Variants in UBR4 observed in about 807,000 individuals in gnomAD.
The protein encoded by UBR4 is ubiquitin protein ligase E3 component n-recognin 4, also known as E3 ubiquitin-protein ligase UBR4.
In UBR4, 124 loss-of-function variants were observed where a neutral mutation model predicts 575.6. The ratio of observed to expected loss-of-function variants is 0.22; its 90% CI spans 0.19 to 0.25. The LOEUF (loss-of-function observed/expected upper bound fraction) is 0.25. UBR4 is among the 10% of genes least tolerant of loss of function. The probability of loss-of-function intolerance (pLI) is 1.00; values close to 1 mark genes in which losing one functional copy is unlikely to be tolerated. For missense variants in UBR4, 4,818 were observed against 6,478.8 expected, an observed-to-expected ratio of 0.74 and a Z score of 8.80; for synonymous variants, 2,455 against 2,473.7, an observed-to-expected ratio of 0.99 and a Z score of 0.22.
At chr1:19,115,989 G>A (rs1027598202) in intron 73 of UBR4, among the ~76,000 whole-genome samples, 5 of 152,174 alleles carry the variant, frequency 3.3e-5, no homozygotes, top group Admixed American at 6.5e-5. Flanking sequence ...TTCCCATCCT[G>A]ACAGCAACCT....
rs2092421469 is a variant in UBR4, at chr1:19,195,957, C to A, written c.1018+1184G>T. Among the ~76,000 whole-genome samples the A allele has an allele frequency of 2.8e-5, 4 of 145,108 alleles. No homozygotes were observed. In the South Asian group the frequency reaches 8.8e-4, roughly 32 times the overall value. On this transcript the variant is annotated intron_variant, in intron 8 of 105. Coordinates refer to ENST00000375254, the MANE Select transcript of UBR4 (RefSeq NM_020765.3). ...CACCCACGAACAGCCATAAAACCTA[C>A]AGACTTACTTATACACACACACACA...
intron 84 of UBR4, 124 bp downstream of exon 84, chr1:19,105,609 T>TAACA: frequency 1.4e-6 from 1 of 732,636 alleles, no homozygotes; most frequent in Non-Finnish European, 2.1e-6. Flanking sequence ...AACACTTTGT[T>TAACA]GTTTCTGGGG....
At chr1:19,168,327 G>T in intron 27 of UBR4, 143 bp from the exon 28 acceptor site, 1 of 720,032 alleles carries the variant, frequency 1.4e-6, no homozygotes. Flanking sequence ...TGTTATTCAT[G>T]CTGGGAAGGG....
At chr1:19,136,368 A>G (rs2083200675) in intron 60 of UBR4, among the ~76,000 whole-genome samples, 1 of 152,236 alleles carries the variant, frequency 6.6e-6, no homozygotes, top group African/African-American at 2.4e-5. Flanking sequence ...ACAAAGGAGT[A>G]AAGTCTTCTA....
At position 19,123,016 on chromosome 1, in the gene UBR4, G is replaced by A. The variant is rs2081338402; in HGVS notation, c.9633C>T (p.Arg3211=). The A allele has an allele frequency of 6.2e-7, 1 of 1,614,108 alleles. No homozygotes were observed. Among genetic ancestry groups the A allele is most frequent in the African/African-American group, 1.3e-5 (1 of 74,942 alleles). Residue 3211 remains arginine, a synonymous_variant, in exon 66 of 106, where the codon CGC becomes CGT. Transcript: ENST00000375254. Reference sequence around the variant, plus strand: ...ATCCACAGATGAAGAGCAGAAGTTTGCGGACTTGACGGCGCACAAATGGAG... The same window carrying A: ...ATCCACAGATGAAGAGCAGAAGTTTACGGACTTGACGGCGCACAAATGGAG... ...QQTPFVRRQV[R]KLLLFICGSK...
Position 19,146,850 on chromosome 1 carries a change from A to G in UBR4, c.7780T>C (p.Ser2594Pro). 2 of 1,613,594 alleles carry G rather than the reference A, an allele frequency of 1.2e-6. No individual in the cohort carries two copies. Among genetic ancestry groups the G allele is most frequent in the Non-Finnish European group, 1.7e-6 (2 of 1,179,738 alleles). The stretch of plus-strand genomic sequence containing the variant: ...CCTGTTTCCATCTGGGGCAGCTTTG[A>G]CTCCGTAAAGTGGACAAGGTTGTTG... Reference protein sequence around the residue: ...RPNNLVHFTESKLPQMETEGM... With the variant: ...RPNNLVHFTEPKLPQMETEGM... Residue 2594 changes from serine (S) to proline (P), a missense_variant, in exon 52 of 106, where the codon TCA becomes CCA. By Grantham distance (74) the Ser-to-Pro change is moderately conservative. Transcript: ENST00000375254.
intron 13 of UBR4, 67 bp downstream of exon 13, chr1:19,187,097 C>CATAT: frequency 2.8e-6 from 2 of 713,600 alleles, no homozygotes; most frequent in Non-Finnish European, 3.8e-6. Flanking sequence ...TATATATATA[C>CATAT]ATATATATAT....
At chr1:19,159,641 C>T (rs371609517) in intron 39 of UBR4, among the ~76,000 whole-genome samples, 17 of 149,910 alleles carry the variant, frequency 1.1e-4, no homozygotes, top group Middle Eastern at 3.5e-3. Context: ...CTCACTCCGT[C>T]GCCCAGGCTG....
intron 81 of UBR4, among the ~76,000 whole-genome samples, chr1:19,109,568 T>C (rs1397448889): frequency 6.6e-6 from 1 of 152,258 alleles, no homozygotes; most frequent in Admixed American, 6.5e-5. Flanking sequence ...AGGATTAACT[T>C]AGGCAGACAC....
intron 26 of UBR4, 73 bp from the exon 27 acceptor site, chr1:19,169,605 C>A: frequency 1.5e-6 from 2 of 1,292,168 alleles, no homozygotes; most frequent in Admixed American, 2.2e-5. Flanking sequence ...AAAAGCCAAG[C>A]CCAAATGCAG....
intron 11 of UBR4, among the ~76,000 whole-genome samples, chr1:19,189,813 C>G (rs935014305): frequency 8.5e-5 from 13 of 152,158 alleles, no homozygotes; most frequent in African/African-American, 1.4e-4. Context: ...AATGGCCACT[C>G]ATAAAATCAC....
chr1:19,163,721 A>C, intron 34 of UBR4, 43 bp downstream of exon 34: 1 of 1,601,602 alleles, frequency 6.2e-7, no homozygotes, highest in Admixed American at 1.7e-5. Flanking sequence ...GGTGAGAATC[A>C]CCTTTCCCTT....
At chr1:19,120,421 C>G in intron 68 of UBR4, 73 bp from the exon 69 acceptor site, 1 of 1,522,166 alleles carries the variant, frequency 6.6e-7, no homozygotes, top group Non-Finnish European at 8.9e-7. Context: ...CCTGGGCTAC[C>G]AAATGGTGAG....
intron 70 of UBR4, 23 bp from the exon 71 acceptor site, chr1:19,118,980 A>G: frequency 6.2e-7 from 1 of 1,611,264 alleles, no homozygotes; most frequent in East Asian, 2.2e-5. Flanking sequence ...TCAGTAAAGA[A>G]ACAACTTAAA....
chr1:19,180,368 T>C (rs1571533963), intron 17 of UBR4, among the ~76,000 whole-genome samples: 2 of 152,016 alleles, frequency 1.3e-5, no homozygotes, highest in Non-Finnish European at 2.9e-5. Flanking sequence ...TTTTTATTTT[T>C]AGTAGAGACG....
At chr1:19,143,283 A>G (rs137998426) in intron 55 of UBR4, among the ~76,000 whole-genome samples, 2 of 87,270 alleles carry the variant, frequency 2.3e-5, no homozygotes, top group Admixed American at 1.1e-4. Context: ...AGAAAGAAAG[A>G]AAGAAAGAAA....
Position 19,113,800 on chromosome 1 carries a change from T to A in UBR4, c.11356A>T (p.Ser3786Cys). The A allele has an allele frequency of 1.9e-6, 3 of 1,614,238 alleles. No individual in the cohort carries two copies. Among genetic ancestry groups the A allele is most frequent in the Non-Finnish European group, 2.5e-6 (3 of 1,180,034 alleles). ...QDDSGTAGGI[S>C]STSASVNRYI... ...CGATTCACACTGGCAGAAGTGGAGC[T>A]GATGCCCCCTGCTGTTCCTGAGTCA... is the stretch of plus-strand genomic sequence containing the variant. The change falls in exon 77 of 106, where the codon AGC becomes TGC. Residue 3786 changes from serine (S) to cysteine (C), a missense_variant. Ser to Cys is a moderately radical substitution (Grantham distance 112, BLOSUM62 -1). This residue lies in a region of UBR4 where 333 missense variants were observed against 459.2 expected (regional missense o/e 0.73). Transcript: ENST00000375254.
At position 19,201,701 on chromosome 1, in the gene UBR4, A is replaced by G; in HGVS notation, c.274+17T>C. 1 of 1,603,684 alleles carries G rather than the reference A, an allele frequency of 6.2e-7. No homozygotes were observed. Among genetic ancestry groups the G allele is most frequent in the Non-Finnish European group, 8.5e-7 (1 of 1,171,106 alleles). On this transcript the variant is annotated intron_variant, in intron 2 of 105. Coordinates refer to ENST00000375254, the MANE Select transcript of UBR4 (RefSeq NM_020765.3). ...TCACAAGCCCTCAGAAGGGAAGGAC[A>G]AGAGTGGAATACTTACTGAGACTGC...
Position 19,177,729 on chromosome 1 carries a change from A to G in UBR4, c.2369T>C (p.Met790Thr), listed in dbSNP as rs775390436. Reference protein sequence around the residue: ...LKVWDRFLSTMKQNALQGVVP... With the variant: ...LKVWDRFLSTTKQNALQGVVP... ...CACACCTTGCAGGGCATTCTGCTTC[A>G]TTGTAGACAAAAACCTACCAGAGAG... Residue 790 changes from methionine to threonine, a missense_variant, in exon 19 of 106, where the codon ATG becomes ACG. Met to Thr is a moderately conservative substitution (Grantham distance 81, BLOSUM62 -1). Coordinates refer to ENST00000375254, the MANE Select transcript of UBR4 (RefSeq NM_020765.3). 3.7e-6 allele frequency: 6 copies of G among 1,613,074 alleles called. No individual in the cohort carries two copies. In the African/African-American group the frequency reaches 8.0e-5, roughly 22 times the overall value.
Sources: allele counts gnomAD v4.1 joint callset (sites outside exome capture counted in the v4.1 genomes callset), GRCh38; gene constraint gnomAD v4.1.1; regional missense constraint gnomAD v4.1.1; transcripts MANE v1.5; gene names NCBI Gene and HGNC (gene_info 2026-07-23, HGNC 2026-07-21).